SHISA7: variants seen among roughly 807,000 people sequenced by gnomAD.
The protein encoded by SHISA7 is protein shisa-7.
SHISA7 carries 6 observed loss-of-function variants against 23.9 expected under a neutral mutation model. The ratio of observed to expected loss-of-function variants is 0.25; its 90% CI spans 0.14 to 0.50. SHISA7 has a LOEUF of 0.50. Ranked by LOEUF, SHISA7 falls within the 20% of genes least tolerant of loss-of-function variation. The pLI is 0.98. For synonymous variants in SHISA7, 386 were observed against 398.3 expected, an observed-to-expected ratio of 0.97 and a Z score of 0.37; for missense variants, 671 against 801.1, an observed-to-expected ratio of 0.84 and a Z score of 1.96.
Position 55,440,739 on chromosome 19 carries a change from T to A in SHISA7, c.698A>T (p.Gln233Leu). 8.0e-7 allele frequency: 1 copy of A among 1,243,712 alleles called. No individual in the cohort carries two copies. Among genetic ancestry groups the A allele is most frequent in the Non-Finnish European group, 1.0e-6 (1 of 986,710 alleles). The allele number at this position is 1,243,712 out of a possible 1,614,324, so 77.0% of individuals were successfully genotyped here. The change falls in exon 2 of 4, where the codon CAG becomes CTG. Residue 233 changes from glutamine to leucine, a missense_variant. This residue lies in a region of SHISA7 where 457 missense variants were observed against 488.3 expected (regional missense o/e 0.94). Coordinates refer to ENST00000376325, the MANE Select transcript of SHISA7 (RefSeq NM_001145176.2). Reference sequence around the variant, plus strand: ...GTCCGGGCGGGTCCCAGGCCCCGCCTGATGTCTCAGAATGTCCACCAGAGC... The same window carrying A: ...GTCCGGGCGGGTCCCAGGCCCCGCCAGATGTCTCAGAATGTCCACCAGAGC... Reference protein sequence around the residue: ...PRALVDILRHQAGPGTRPDRA... With the variant: ...PRALVDILRHLAGPGTRPDRA...
Position 55,442,427 on chromosome 19 carries a change from C to T in SHISA7, c.437G>A (p.Gly146Asp), listed in dbSNP as rs1386872352. Reference sequence around the variant, plus strand: ...GCCCGCACCCCCAGCGCCCCCGGCGCCCCCAGCTAGCGGCGGCGGCGTGGT... The same window carrying T: ...GCCCGCACCCCCAGCGCCCCCGGCGTCCCCAGCTAGCGGCGGCGGCGTGGT... Reference protein sequence around the residue: ...WATTPPPLAGGAGGAGGAGGG... With the variant: ...WATTPPPLAGDAGGAGGAGGG... The change falls in exon 1 of 4, where the codon GGC becomes GAC. Residue 146 changes from glycine to aspartate, a missense_variant. Around this residue, in one of 5 missense-constraint regions of SHISA7, gnomAD observed 48 missense variants for 111.0 expected, o/e 0.43. Transcript: ENST00000376325. The T allele has an allele frequency of 9.2e-6, 13 of 1,414,068 alleles. No individual in the cohort carries two copies. The highest frequency in any genetic ancestry group is 1.4e-5 in the South Asian group (1 of 72,002). The allele number at this position is 1,414,068 out of a possible 1,614,324, so 87.6% of individuals were successfully genotyped here.
At chr19:55,434,331 GGTGT>G (rs998032100) in intron 3 of SHISA7, among the ~76,000 whole-genome samples, 1 of 135,272 alleles carries the variant, frequency 7.4e-6, no homozygotes, top group Non-Finnish European at 1.6e-5. Context: ...TGTGGTGTGT[GGTGT>G]GTGTGCGTGT....
rs1280741709 is a variant in SHISA7, at chr19:55,442,380, C to A, written c.484G>T (p.Ala162Ser). 1.5e-6 allele frequency: 2 copies of A among 1,362,288 alleles called. No individual in the cohort carries two copies. The highest frequency in any genetic ancestry group is 1.9e-6 in the Non-Finnish European group (2 of 1,067,346). The allele number at this position is 1,362,288 out of a possible 1,614,324, so 84.4% of individuals were successfully genotyped here. A position where few individuals can be genotyped will look rare whatever the true frequency, so the allele number is the denominator to read the frequency against. Residue 162 changes from alanine (A) to serine (S), a missense_variant, in exon 1 of 4, where the codon GCC (alanine) becomes TCC (serine). Transcript: ENST00000376325. ...GTCCGGCCCCCTTCCAACCACCCGG[C>A]CTGGCCGGGCCCTGGCCCCCCGCCC... The part of the protein sequence containing the change: ...GAGGGPGPGQ[A>S]GWLEGGRTGG...
chr19:55,435,536 T>C (rs1173457927), intron 3 of SHISA7, among the ~76,000 whole-genome samples: 1 of 140,712 alleles, frequency 7.1e-6, no homozygotes, highest in African/African-American at 2.7e-5. Context: ...GAGGGTCCCT[T>C]GAGCCCAGGA....
chr19:55,438,032 C>T (rs1985509751), intron 2 of SHISA7, among the ~76,000 whole-genome samples: 1 of 142,904 alleles, frequency 7.0e-6, no homozygotes, highest in East Asian at 2.1e-4. Context: ...ACCCAGGCGT[C>T]CAGGCCCCCA....
At position 55,433,390 on chromosome 19, in the gene SHISA7, G is replaced by T. The variant is rs865854525; in HGVS notation, c.1383C>A (p.Pro461=). 3.0e-6 allele frequency: 4 copies of T among 1,327,684 alleles called. No homozygotes were observed. The highest frequency in any genetic ancestry group is 5.6e-4 in the Middle Eastern group (2 of 3,540). The allele number at this position is 1,327,684 out of a possible 1,614,324, so 82.2% of individuals were successfully genotyped here. Residue 461 remains proline (P), a synonymous_variant, in exon 4 of 4, where the codon CCC becomes CCA. Transcript: ENST00000376325. This position sits in a 1 kb window ranked among gnomAD's most constrained non-coding sequence, Gnocchi z 8.4. ...HSNLLLGPGG[P]PTPLRGLPPP... is the part of the protein sequence containing the mutation. ...GCGGCAGCCCGCGCAGCGGTGTTGG[G>T]GGCCCCCCGGGCCCCAGCAGCAGGT... is the stretch of plus-strand genomic sequence containing the variant.
At chr19:55,438,167 C>T (rs1599873812) in intron 2 of SHISA7, among the ~76,000 whole-genome samples, 1 of 152,136 alleles carries the variant, frequency 6.6e-6, no homozygotes, top group East Asian at 1.9e-4. Context: ...CTCCCTCAGA[C>T]CCAGCAGTTC....
rs536112459 is a variant in SHISA7, at chr19:55,432,745, C to G, written c.*411G>C. On this transcript the variant is annotated 3_prime_UTR_variant, in exon 4 of 4. Coordinates refer to ENST00000376325, the MANE Select transcript of SHISA7 (RefSeq NM_001145176.2). The surrounding 1 kb of genome is among the most constrained non-coding windows in gnomAD (Gnocchi z 4.6). The stretch of plus-strand genomic sequence containing the variant: ...CAGGAAGGAATGTCATGGAACAAGG[C>G]GTCGTCTCTGTTATTATACCACAAG... The G allele has an allele frequency of 6.2e-6, 1 of 162,084 alleles. No individual in the cohort carries two copies. The highest frequency in any genetic ancestry group is 1.3e-5 in the Non-Finnish European group (1 of 74,680). The allele number at this position is 162,084 out of a possible 1,614,324, so 10.0% of individuals were successfully genotyped here. A position where few individuals can be genotyped will look rare whatever the true frequency, so the allele number is the denominator to read the frequency against.
intron 3 of SHISA7, 107 bp downstream of exon 3, chr19:55,437,498 G>C (rs1051484552): frequency 7.5e-7 from 1 of 1,335,290 alleles, no homozygotes; most frequent in African/African-American, 1.5e-5. Context: ...ACCTGGGAGA[G>C]AAGCTAAACC....
chr19:55,434,732 TGTG>T (rs1466178756), intron 3 of SHISA7, among the ~76,000 whole-genome samples: 1 of 112,276 alleles, frequency 8.9e-6, no homozygotes. Flanking sequence ...GTGTGGTGTG[TGTG>T]GTGTATATGT....
intron 3 of SHISA7, among the ~76,000 whole-genome samples, chr19:55,435,407 GT>G (rs561550215): frequency 8.8e-6 from 1 of 113,042 alleles, no homozygotes; most frequent in African/African-American, 2.9e-5. Flanking sequence ...GTGGGTGTGT[GT>G]TGTGTGTGTG....
chr19:55,437,644 T>C lies in SHISA7; in HGVS notation c.937A>G (p.Lys313Glu), dbSNP rs1298267134. ...HLPPSYEAAVKSELNRYSSLK... is the reference protein window; with the variant it reads ...HLPPSYEAAVESELNRYSSLK... The stretch of plus-strand genomic sequence containing the variant: ...GAAGAGTAGCGGTTCAGCTCGGATT[T>C]CACGGCAGCCTCGTAGGACGGGGGC... Residue 313 changes from lysine to glutamate, a missense_variant, in exon 3 of 4, where the codon AAA (lysine) becomes GAA (glutamate). Transcript: ENST00000376325. The C allele has an allele frequency of 1.7e-5, 26 of 1,551,398 alleles. No individual in the cohort carries two copies. The highest frequency in any genetic ancestry group is 5.2e-6 in the Non-Finnish European group (6 of 1,146,936).
intron 1 of SHISA7, among the ~76,000 whole-genome samples, chr19:55,441,560 G>A (rs1224061066): frequency 6.6e-6 from 1 of 152,140 alleles, no homozygotes; most frequent in Non-Finnish European, 1.5e-5. Context: ...CCCTCCCTTC[G>A]GGTCTCCGTT....
chr19:55,435,122 GGT>G (rs1412680306), intron 3 of SHISA7, among the ~76,000 whole-genome samples: 4 of 115,036 alleles, frequency 3.5e-5, no homozygotes, highest in African/African-American at 9.6e-5. Flanking sequence ...TGGTGTGTGT[GGT>G]GTGTGTGGTG....
At position 55,433,507 on chromosome 19, in the gene SHISA7, G is replaced by T. The variant is rs1165372460; in HGVS notation, c.1266C>A (p.Arg422=). The stretch of plus-strand genomic sequence containing the variant: ...GCGACAGCAGGTGCTCGCGACTCTG[G>T]CGCAGGGCCTCGGGCGAGGACAGCA... The part of the protein sequence containing the change: ...HLLLSSPEAL[R]QSREHLLSPP... The change falls in exon 4 of 4, where the codon CGC becomes CGA. Residue 422 remains arginine (R), a synonymous_variant. Coordinates refer to ENST00000376325, the MANE Select transcript of SHISA7 (RefSeq NM_001145176.2). This position sits in a 1 kb window ranked among gnomAD's most constrained non-coding sequence, Gnocchi z 8.4. 6 of 1,465,618 alleles carry T rather than the reference G, an allele frequency of 4.1e-6. No individual in the cohort carries two copies. The highest frequency in any genetic ancestry group is 2.5e-5 in the Admixed American group (1 of 39,756). 90.8% of individuals were successfully genotyped at this position (1,465,618 alleles called of 1,614,324 possible).
Position 55,431,020 on chromosome 19 carries a change from A to G in SHISA7, c.*2136T>C, listed in dbSNP as rs1277263200. On this transcript the variant is annotated 3_prime_UTR_variant, in exon 4 of 4. Coordinates refer to ENST00000376325, the MANE Select transcript of SHISA7 (RefSeq NM_001145176.2). Reference sequence around the variant, plus strand: ...GACAGCACTGGACCTCATGGATCACAGGAGATGATGACACCAGGGTTATGG... The same window carrying G: ...GACAGCACTGGACCTCATGGATCACGGGAGATGATGACACCAGGGTTATGG... 1 of 135,048 alleles carries G rather than the reference A, an allele frequency of 7.4e-6. No homozygotes were observed. Among genetic ancestry groups the G allele is most frequent in the Middle Eastern group, 5.5e-3 (1 of 182 alleles). The allele number at this position is 135,048 out of a possible 1,614,324, so 8.4% of individuals were successfully genotyped here.
Position 55,433,179 on chromosome 19 carries a change from T to G in SHISA7, c.1594A>C (p.Ser532Arg). The change falls in exon 4 of 4, where the codon AGC becomes CGC. Residue 532 changes from serine (S) to arginine (R), a missense_variant. Around this residue, in one of 5 missense-constraint regions of SHISA7, gnomAD observed 457 missense variants for 488.3 expected, o/e 0.94. Coordinates refer to ENST00000376325, the MANE Select transcript of SHISA7 (RefSeq NM_001145176.2). The surrounding 1 kb of genome is among the most constrained non-coding windows in gnomAD (Gnocchi z 8.4). ...CCTCAGACAGTCACCTCGTTCTTGC[T>G]GGCCGTGCGCAGGTGCTGGGGCAGG... ...HHLPQHLRTA[S>R]KNEVTV 1 of 1,524,010 alleles carries G rather than the reference T, an allele frequency of 6.6e-7. No individual in the cohort carries two copies. Among genetic ancestry groups the G allele is most frequent in the South Asian group, 1.2e-5 (1 of 83,538 alleles). 94.4% of individuals were successfully genotyped at this position (1,524,010 alleles called of 1,614,324 possible).
At position 55,443,139 on chromosome 19, in the gene SHISA7, G is replaced by A. The variant is rs1985634464; in HGVS notation, c.-276C>T. Reference sequence around the variant, plus strand: ...GAGTAATGGAAACGCGCCCGGGCACGGCTGGGGGAGAGAAATGAGCATGGG... The same window carrying A: ...GAGTAATGGAAACGCGCCCGGGCACAGCTGGGGGAGAGAAATGAGCATGGG... On this transcript the variant is annotated 5_prime_UTR_variant, in exon 1 of 4. Coordinates refer to ENST00000376325, the MANE Select transcript of SHISA7 (RefSeq NM_001145176.2). 6.6e-6 allele frequency among the ~76,000 whole-genome samples: 1 copy of A among 151,622 alleles called. No homozygotes were observed. The highest frequency in any genetic ancestry group is 1.5e-5 in the Non-Finnish European group (1 of 67,956).
Position 55,442,477 on chromosome 19 carries a change from G to A in SHISA7, c.387C>T (p.Ser129=). Residue 129 remains serine, a synonymous_variant, in exon 1 of 4, where the codon TCC becomes TCT. Coordinates refer to ENST00000376325, the MANE Select transcript of SHISA7 (RefSeq NM_001145176.2). The part of the protein sequence containing the change: ...RHMRLAQASC[S]NYDTPRWATT... ...TGGCCCAGCGCGGCGTGTCGTAGTT[G>A]GAGCAGGAGGCCTGCGCCAGGCGCA... 6.9e-7 allele frequency: 1 copy of A among 1,457,252 alleles called. No individual in the cohort carries two copies. Among genetic ancestry groups the A allele is most frequent in the Non-Finnish European group, 9.1e-7 (1 of 1,103,836 alleles). 90.3% of individuals were successfully genotyped at this position (1,457,252 alleles called of 1,614,324 possible). A position where few individuals can be genotyped will look rare whatever the true frequency, so the allele number is the denominator to read the frequency against.
Sources: gnomAD v4.1 joint callset for allele counts (sites outside exome capture counted in the v4.1 genomes callset) on GRCh38, gnomAD v4.1.1 for gene constraint, gnomAD v4.1.1 regional missense constraint, Gnocchi (gnomAD v3.1) non-coding constraint, MANE v1.5 for transcripts, NCBI Gene and HGNC (gene_info 2026-07-23, HGNC 2026-07-21) for gene names.